The following TMEM117 variants were observed in gnomAD, a reference collection of about 807,000 sequenced individuals.
TMEM117 encodes the protein transmembrane protein 117.
Under a neutral mutation model 52.4 loss-of-function variants are expected in TMEM117, and 27 were observed. The ratio of observed to expected loss-of-function variants is 0.51; its 90% CI spans 0.38 to 0.71. TMEM117 has a LOEUF of 0.71. Ranked by LOEUF, TMEM117 falls within the 30% of genes least tolerant of loss-of-function variation. TMEM117 has a pLI of 0.00. For synonymous variants in TMEM117, 215 were observed against 206.3 expected (o/e 1.04, Z -0.36); for missense variants, 556 against 630.5 (o/e 0.88, Z 1.26).
intron 5 of TMEM117, among the ~76,000 whole-genome samples, chr12:44,215,969 G>A (rs1949711122): frequency 6.7e-6 from 1 of 150,200 alleles, no homozygotes; most frequent in Non-Finnish European, 1.5e-5. Flanking sequence ...TCAATGAGAT[G>A]CACTGAAAGG....
intron 3 of TMEM117, among the ~76,000 whole-genome samples, chr12:43,962,029 G>A (rs928590413): frequency 6.6e-6 from 1 of 152,154 alleles, no homozygotes; most frequent in African/African-American, 2.4e-5. Flanking sequence ...ACAGTTAACA[G>A]AGTCCTATTA....
chr12:43,837,896 A>T (rs1271447947), intron 1 of TMEM117, among the ~76,000 whole-genome samples: 2 of 152,206 alleles, frequency 1.3e-5, no homozygotes, highest in African/African-American at 4.8e-5. Context: ...AAGAAAAATC[A>T]CTTAAAGGTT....
At chr12:44,304,588 A>G (rs997455709) in intron 6 of TMEM117, among the ~76,000 whole-genome samples, 2 of 152,120 alleles carry the variant, frequency 1.3e-5, no homozygotes, top group Non-Finnish European at 2.9e-5. Context: ...AGGAGAGGAG[A>G]GCAGACAGTA....
chr12:44,275,441 C>T (rs528313611), intron 5 of TMEM117, among the ~76,000 whole-genome samples: 15 of 152,168 alleles, frequency 9.9e-5, no homozygotes, highest in African/African-American at 3.4e-4. Context: ...AATCCCACTA[C>T]TAGGTATATA....
intron 6 of TMEM117, among the ~76,000 whole-genome samples, chr12:44,340,674 A>G (rs186421758): frequency 2.6e-5 from 4 of 152,226 alleles, no homozygotes; most frequent in Non-Finnish European, 4.4e-5. Context: ...AGTTGCCTTT[A>G]CAAGAAGGAG....
chr12:44,135,709 A>G (rs1310328272), intron 3 of TMEM117, among the ~76,000 whole-genome samples: 1 of 152,130 alleles, frequency 6.6e-6, no homozygotes, highest in Non-Finnish European at 1.5e-5. Flanking sequence ...TGAATTTGAA[A>G]ATTTTGTAGG....
At chr12:44,032,631 A>G (rs2137872850) in intron 3 of TMEM117, among the ~76,000 whole-genome samples, 1 of 152,278 alleles carries the variant, frequency 6.6e-6, no homozygotes, top group South Asian at 2.1e-4. Flanking sequence ...TTGCTGTTGT[A>G]TTCTTGGTGT....
chr12:44,140,538 G>T (rs540420148), intron 3 of TMEM117, among the ~76,000 whole-genome samples: 3 of 152,164 alleles, frequency 2.0e-5, no homozygotes, highest in African/African-American at 7.2e-5. Flanking sequence ...ATAGGAGCTT[G>T]TTTCTTGACA....
chr12:43,870,097 A>G (rs145497318), intron 2 of TMEM117, among the ~76,000 whole-genome samples: 18 of 152,280 alleles, frequency 1.2e-4, no homozygotes, highest in African/African-American at 4.3e-4. Flanking sequence ...AAAGGACATG[A>G]TCTCATTCCT....
At chr12:43,912,935 A>T (rs1471379386) in intron 2 of TMEM117, among the ~76,000 whole-genome samples, 1 of 152,192 alleles carries the variant, frequency 6.6e-6, no homozygotes, top group Non-Finnish European at 1.5e-5. Flanking sequence ...TATTGAGATT[A>T]TTCATAAAAG....
Position 44,388,689 on chromosome 12 carries a change from G to A in TMEM117, c.*17G>A, listed in dbSNP as rs1169671823. On this transcript the variant is annotated 3_prime_UTR_variant, in exon 8 of 8. Transcript: ENST00000266534. ...ACGAACTAGACTCGGAGATAGACTT[G>A]GAGATAACACAAAAAGCAACCTTGA... The A allele has an allele frequency of 8.7e-6, 14 of 1,603,248 alleles. No individual in the cohort carries two copies. In the Admixed American group the frequency reaches 1.9e-4, roughly 22 times the overall value.
chr12:44,377,292 T>G (rs764942709), intron 7 of TMEM117, among the ~76,000 whole-genome samples: 3 of 152,174 alleles, frequency 2.0e-5, no homozygotes, highest in Non-Finnish European at 4.4e-5. Context: ...TTTTCAATGT[T>G]ATATTCTTTA....
At chr12:43,805,672 A>T in the TMEM117 span, 1 of 709,836 alleles carries the variant, frequency 1.4e-6, no homozygotes, top group Non-Finnish European at 2.2e-6. Flanking sequence ...CTTACACTCG[A>T]GATTTCTCAG....
intron 1 of TMEM117, among the ~76,000 whole-genome samples, chr12:43,836,399 G>C (rs1943030222): frequency 6.6e-6 from 1 of 152,188 alleles, no homozygotes; most frequent in South Asian, 2.1e-4. Context: ...CAGCCAAAGA[G>C]GCAGGGTGAA....
At chr12:44,013,503 C>A (rs549908170) in intron 3 of TMEM117, among the ~76,000 whole-genome samples, 1 of 152,286 alleles carries the variant, frequency 6.6e-6, no homozygotes, top group African/African-American at 2.4e-5. Context: ...GTCTGGAGGG[C>A]AGGCCTTGCA....
At chr12:43,895,141 C>T (rs908142807) in intron 2 of TMEM117, among the ~76,000 whole-genome samples, 1 of 152,152 alleles carries the variant, frequency 6.6e-6, no homozygotes, top group Non-Finnish European at 1.5e-5. Flanking sequence ...TCTCTTCCTC[C>T]TCCCACTCTC....
intron 3 of TMEM117, among the ~76,000 whole-genome samples, chr12:44,097,131 C>A (rs1236216384): frequency 1.3e-5 from 2 of 152,120 alleles, no homozygotes; most frequent in Non-Finnish European, 2.9e-5. Flanking sequence ...TCATCACTGG[C>A]CATCAGAGAA....
intron 3 of TMEM117, among the ~76,000 whole-genome samples, chr12:44,087,370 C>T (rs1947587750): frequency 6.6e-6 from 1 of 152,074 alleles, no homozygotes; most frequent in African/African-American, 2.4e-5. Flanking sequence ...AAAAAGTATT[C>T]AGTAAGCACC....
rs1947163341 is a variant in TMEM117 at position 44,063,025 on chromosome 12, C to T, written c.411-80500C>T. On this transcript the variant is annotated intron_variant, in intron 3 of 7. Coordinates refer to ENST00000266534, the MANE Select transcript of TMEM117 (RefSeq NM_032256.3). Reference sequence around the variant, plus strand: ...TCATGGGTGAAATGATGTCATGCACCTGCTGTACGGAGACACACAATGTCT... The same window carrying T: ...TCATGGGTGAAATGATGTCATGCACTTGCTGTACGGAGACACACAATGTCT... 3.3e-5 allele frequency among the ~76,000 whole-genome samples: 5 copies of T among 152,092 alleles called. No homozygotes were observed. In the South Asian group the frequency reaches 1.0e-3, roughly 32 times the overall value.
Sources: gnomAD v4.1 joint callset for allele counts (sites outside exome capture counted in the v4.1 genomes callset) on GRCh38, gnomAD v4.1.1 for gene constraint, MANE v1.5 for transcripts, NCBI Gene and HGNC (gene_info 2026-07-23, HGNC 2026-07-21) for gene names.